Variants in AMBRA1 observed in about 807,000 individuals in gnomAD.
AMBRA1 encodes activating molecule in BECN1-regulated autophagy protein 1.
Under a neutral mutation model 125.4 loss-of-function variants are expected in AMBRA1, and 47 were observed. The ratio of observed to expected loss-of-function variants is 0.37; its 90% CI spans 0.30 to 0.48. The LOEUF (loss-of-function observed/expected upper bound fraction) is 0.48, where lower values mean the gene tolerates loss of function less well. AMBRA1 is among the 20% of genes least tolerant of loss of function. The probability of loss-of-function intolerance (pLI) is 0.99; values close to 1 mark genes in which losing one functional copy is unlikely to be tolerated. For synonymous variants in AMBRA1, 626 were observed against 655.5 expected (o/e 0.95, Z 0.69); for missense variants, 1,331 against 1,693.4 (o/e 0.79, Z 3.76).
chr11:46,424,407 G>A (rs767880578), intron 14 of AMBRA1, among the ~76,000 whole-genome samples: 3 of 152,144 alleles, frequency 2.0e-5, no homozygotes, highest in Non-Finnish European at 2.9e-5. Context: ...ACAGTCAGAG[G>A]ACAAGCTTTT....
At chr11:46,503,802 G>T (rs1471410027) in intron 9 of AMBRA1, among the ~76,000 whole-genome samples, 3 of 152,176 alleles carry the variant, frequency 2.0e-5, no homozygotes, top group African/African-American at 7.2e-5. Flanking sequence ...TTTCCAGGCA[G>T]AAATCCAAAG....
chr11:46,441,970 CTTTT>C (rs764444865), intron 12 of AMBRA1, among the ~76,000 whole-genome samples: 2 of 116,622 alleles, frequency 1.7e-5, no homozygotes, highest in Non-Finnish European at 3.6e-5. Context: ...AAAAAAAAAA[CTTTT>C]TTTTTTTTTT....
intron 5 of AMBRA1, among the ~76,000 whole-genome samples, chr11:46,544,677 CA>C (rs887672663): frequency 2.2e-4 from 33 of 152,108 alleles, no homozygotes; most frequent in African/African-American, 7.7e-4. Context: ...CAGGTTTTCC[CA>C]AAGAAGTACT....
chr11:46,417,905 C>A lies in AMBRA1; in HGVS notation c.3116+8G>T. The stretch of plus-strand genomic sequence containing the variant: ...GATCCCTCAACCCCCACACTTTAAG[C>A]CACTTACTCTGGTCGGCAGATCACC... On this transcript the variant is annotated splice_region_variant and intron_variant, in intron 15 of 17. Coordinates refer to ENST00000683756, the MANE Select transcript of AMBRA1 (RefSeq NM_001387011.1). The A allele has an allele frequency of 6.2e-7, 1 of 1,600,480 alleles. No individual in the cohort carries two copies. The highest frequency in any genetic ancestry group is 8.5e-7 in the Non-Finnish European group (1 of 1,170,462).
intron 7 of AMBRA1, 127 bp from the exon 8 acceptor site, chr11:46,512,940 G>T: frequency 1.4e-6 from 1 of 739,246 alleles, no homozygotes; most frequent in Non-Finnish European, 2.1e-6. Context: ...TGTTATCTGG[G>T]ATCACACCCT....
chr11:46,587,708 G>A (rs766767464), intron 1 of AMBRA1, among the ~76,000 whole-genome samples: 13 of 152,100 alleles, frequency 8.5e-5, no homozygotes, highest in Non-Finnish European at 1.6e-4. Context: ...ACTTGTTTCA[G>A]TCTAAATTTC....
At chr11:46,521,448 C>T (rs934810912) in intron 7 of AMBRA1, among the ~76,000 whole-genome samples, 6 of 152,256 alleles carry the variant, frequency 3.9e-5, no homozygotes, top group Non-Finnish European at 8.8e-5. Flanking sequence ...GATGAAGGGG[C>T]AGGAGGCCAA....
chr11:46,412,153 G>T (rs989940909), intron 15 of AMBRA1, among the ~76,000 whole-genome samples: 1 of 152,150 alleles, frequency 6.6e-6, no homozygotes, highest in Non-Finnish European at 1.5e-5. Flanking sequence ...TATCTTTGGG[G>T]AATTGGTTCC....
chr11:46,579,357 T>A (rs541067297), intron 1 of AMBRA1, among the ~76,000 whole-genome samples: 2 of 152,176 alleles, frequency 1.3e-5, no homozygotes, highest in South Asian at 4.1e-4. Flanking sequence ...CTCGGGAGGC[T>A]GAGGCAGAAG....
intron 11 of AMBRA1, 98 bp downstream of exon 11, chr11:46,493,510 C>G: frequency 1.0e-6 from 1 of 965,876 alleles, no homozygotes; most frequent in South Asian, 1.7e-5. Flanking sequence ...CAGACAGATG[C>G]CAAGACACCA....
intron 11 of AMBRA1, among the ~76,000 whole-genome samples, chr11:46,492,590 G>T (rs1436121458): frequency 6.6e-6 from 1 of 152,190 alleles, no homozygotes; most frequent in Admixed American, 6.5e-5. Flanking sequence ...GGGAGGTAGG[G>T]AAAGACTGTG....
At chr11:46,398,019 TAGCAGCTGGGGG>T (rs1945540578) in intron 17 of AMBRA1, 76 bp from the exon 18 acceptor site, 6 of 1,505,036 alleles carry the variant, frequency 4.0e-6, no homozygotes, top group African/African-American at 1.4e-5. Flanking sequence ...CAGCCACCGG[TAGCAGCTGGGGG>T]ATTCTTGACT....
intron 11 of AMBRA1, among the ~76,000 whole-genome samples, chr11:46,486,464 A>T (rs1308098851): frequency 6.6e-6 from 1 of 152,270 alleles, no homozygotes; most frequent in East Asian, 1.9e-4. Flanking sequence ...TGGTGAAATA[A>T]GGCTAATTCC....
chr11:46,534,205 G>T (rs1336616166), intron 7 of AMBRA1, among the ~76,000 whole-genome samples: 1 of 150,522 alleles, frequency 6.6e-6, no homozygotes, highest in Non-Finnish European at 1.5e-5. Context: ...AATAGCACCT[G>T]GTGCCAGCCA....
At chr11:46,558,844 C>A (rs2043240457) in intron 1 of AMBRA1, among the ~76,000 whole-genome samples, 2 of 152,034 alleles carry the variant, frequency 1.3e-5, no homozygotes, top group South Asian at 4.1e-4. Flanking sequence ...CAATGTCTAG[C>A]GTAGAAGAGC....
intron 1 of AMBRA1, among the ~76,000 whole-genome samples, chr11:46,593,143 A>G (rs1398557565): frequency 6.6e-6 from 1 of 152,234 alleles, no homozygotes; most frequent in Non-Finnish European, 1.5e-5. Context: ...CTCTTGTGAC[A>G]GGATCTATAT....
intron 7 of AMBRA1, among the ~76,000 whole-genome samples, chr11:46,524,175 A>G (rs1484689001): frequency 6.6e-6 from 1 of 152,152 alleles, no homozygotes; most frequent in Non-Finnish European, 1.5e-5. Flanking sequence ...GCCTAATGTC[A>G]TATTTTTAAA....
intron 8 of AMBRA1, among the ~76,000 whole-genome samples, chr11:46,511,161 AT>A (rs1376145867): frequency 1.3e-5 from 2 of 152,204 alleles, no homozygotes; most frequent in Admixed American, 1.3e-4. Flanking sequence ...TGGGGATGAG[AT>A]GCCTATTGCT....
intron 11 of AMBRA1, among the ~76,000 whole-genome samples, chr11:46,465,004 A>C (rs977469461): frequency 2.6e-5 from 4 of 152,168 alleles, no homozygotes; most frequent in African/African-American, 9.7e-5. Context: ...CGATCGCGCC[A>C]CCGCACTCCA....
Sources: allele counts gnomAD v4.1 joint callset (sites outside exome capture counted in the v4.1 genomes callset), GRCh38; gene constraint gnomAD v4.1.1; transcripts MANE v1.5; gene names NCBI Gene and HGNC (gene_info 2026-07-23, HGNC 2026-07-21).